The following POTEC variants were observed in gnomAD, a reference collection of about 807,000 sequenced individuals.
POTEC encodes POTE ankyrin domain family member C.
In POTEC, 35 loss-of-function variants were observed where a neutral mutation model predicts 62.0. The ratio of observed to expected loss-of-function variants is 0.56; its 90% CI spans 0.43 to 0.75. POTEC has a LOEUF of 0.75. POTEC is among the 30% of genes least tolerant of loss of function. The probability of loss-of-function intolerance (pLI) is 0.00; values close to 1 mark genes in which losing one functional copy is unlikely to be tolerated. For missense variants in POTEC, 472 were observed against 655.9 expected (o/e 0.72, Z 3.06); for synonymous variants, 156 against 221.5 (o/e 0.70, Z 2.62).
At position 14,511,066 on chromosome 18, in the gene POTEC, A is replaced by G. The variant is rs1358327466; in HGVS notation, c.*832T>C. Reference sequence around the variant, plus strand: ...CAGGGTGGCTGTTCTGTGCTGAGGTACCACTTCCACCCCTGGTCAGCTTGG... The same window carrying G: ...CAGGGTGGCTGTTCTGTGCTGAGGTGCCACTTCCACCCCTGGTCAGCTTGG... On this transcript the variant is annotated 3_prime_UTR_variant, in exon 11 of 11. Transcript: ENST00000358970. The G allele has an allele frequency of 6.6e-6, 1 of 152,072 alleles. No individual in the cohort carries two copies. The highest frequency in any genetic ancestry group is 3.4e-3 in the Middle Eastern group (1 of 294). The allele number at this position is 152,072 out of a possible 1,614,324, so 9.4% of individuals were successfully genotyped here. A position where few individuals can be genotyped will look rare whatever the true frequency, so the allele number is the denominator to read the frequency against.
In POTEC at chr18:14,542,692, A is replaced by G. The variant is rs768989393; in HGVS notation, c.455T>C (p.Val152Ala). ...KLHRAAWWGK[V>A]PRKDLIVMLR... is the part of the protein sequence containing the mutation. ...CATGACGATGAGATCCTTTCTGGGG[A>G]CCTTACCCCACCAGGCAGCTCTGTG... The change falls in exon 1 of 11, where the codon GTC becomes GCC. Residue 152 changes from valine to alanine, a missense_variant. Transcript: ENST00000358970. 6 of 1,612,766 alleles carry G rather than the reference A, an allele frequency of 3.7e-6. No homozygotes were observed. The highest frequency in any genetic ancestry group is 1.9e-4 in the Middle Eastern group (1 of 5,352).
chr18:14,524,412 C>T (rs1438276145), intron 7 of POTEC, among the ~76,000 whole-genome samples: 4 of 152,004 alleles, frequency 2.6e-5, no homozygotes, highest in Admixed American at 2.0e-4. Flanking sequence ...AATCACTGGC[C>T]GTGATTATTC....
chr18:14,532,670 G>T (rs1453871452), intron 5 of POTEC, among the ~76,000 whole-genome samples: 1 of 152,132 alleles, frequency 6.6e-6, no homozygotes, highest in Non-Finnish European at 1.5e-5. Context: ...AAAATTCAAG[G>T]AGTATGTAGG....
At chr18:14,537,217 A>AAAC (rs1567915547) in intron 3 of POTEC, among the ~76,000 whole-genome samples, 2 of 132,242 alleles carry the variant, frequency 1.5e-5, no homozygotes, top group Non-Finnish European at 3.2e-5. Flanking sequence ...ACACAAAAAA[A>AAAC]AAAAAAAACA....
intron 1 of POTEC, among the ~76,000 whole-genome samples, chr18:14,541,872 G>T (rs1394909389): frequency 6.6e-6 from 1 of 151,894 alleles, no homozygotes; most frequent in Non-Finnish European, 1.5e-5. Context: ...CATATATTTG[G>T]GTATTTCTGG....
intron 9 of POTEC, among the ~76,000 whole-genome samples, chr18:14,515,538 A>C (rs1910123459): frequency 6.6e-6 from 1 of 152,146 alleles, no homozygotes; most frequent in African/African-American, 2.4e-5. Flanking sequence ...CATGTAAAAA[A>C]ATTAATTCAA....
chr18:14,525,836 C>T (rs76973749), intron 6 of POTEC, among the ~76,000 whole-genome samples: 1 of 152,102 alleles, frequency 6.6e-6, no homozygotes, highest in Admixed American at 6.6e-5. Context: ...TGTTAGTGTA[C>T]AATGTCTTCT....
At position 14,511,635 on chromosome 18, in the gene POTEC, G is replaced by T. The variant is rs551652486; in HGVS notation, c.*263C>A. ...GCTATCTGACTTTGATCACAATCAT[G>T]TAGAGCAGTAGTCAGTCTACAATGA... On this transcript the variant is annotated 3_prime_UTR_variant, in exon 11 of 11. Coordinates refer to ENST00000358970, the MANE Select transcript of POTEC (RefSeq NM_001137671.2). 3 of 555,080 alleles carry T rather than the reference G, an allele frequency of 5.4e-6. No homozygotes were observed. The highest frequency in any genetic ancestry group is 2.1e-5 in the African/African-American group (1 of 46,878). 34.4% of individuals were successfully genotyped at this position (555,080 alleles called of 1,614,324 possible).
At chr18:14,533,699 C>T (rs1905606161) in intron 4 of POTEC, among the ~76,000 whole-genome samples, 1 of 152,160 alleles carries the variant, frequency 6.6e-6, no homozygotes, top group African/African-American at 2.4e-5. Context: ...TTAAATGCCA[C>T]ATGTATCTTT....
intron 6 of POTEC, chr18:14,528,960 A>G: frequency 2.2e-6 from 1 of 454,432 alleles, no homozygotes; most frequent in Non-Finnish European, 4.4e-6. Context: ...CCTGCCAAAC[A>G]GGCAACCTCA....
At chr18:14,542,314 T>TAG (rs1233824915) in intron 1 of POTEC, among the ~76,000 whole-genome samples, 1 of 152,220 alleles carries the variant, frequency 6.6e-6, no homozygotes, top group Non-Finnish European at 1.5e-5. Flanking sequence ...CTATAGTGTA[T>TAG]AGAACATTGT....
intron 9 of POTEC, among the ~76,000 whole-genome samples, chr18:14,518,234 T>A (rs1026593852): frequency 1.3e-5 from 2 of 151,880 alleles, no homozygotes; most frequent in Admixed American, 1.3e-4. Flanking sequence ...AAAAACCCTA[T>A]TCATGAGAGT....
Position 14,510,076 on chromosome 18 carries a change from C to T in POTEC, c.*1822G>A, listed in dbSNP as rs1300212722. The T allele has an allele frequency of 1.3e-5, 2 of 149,194 alleles. No individual in the cohort carries two copies. The highest frequency in any genetic ancestry group is 3.0e-5 in the Non-Finnish European group (2 of 67,622). 9.2% of individuals were successfully genotyped at this position (149,194 alleles called of 1,614,324 possible). A position where few individuals can be genotyped will look rare whatever the true frequency, so the allele number is the denominator to read the frequency against. ...TGCTGCTCCACTACTTTCCTTGTCT[C>T]CTGGGGGCTCCACCCCAGAGAGGTG... On this transcript the variant is annotated 3_prime_UTR_variant, in exon 11 of 11. Transcript: ENST00000358970.
Position 14,511,494 on chromosome 18 carries a change from G to T in POTEC, c.*404C>A. The T allele has an allele frequency of 3.4e-6, 1 of 293,480 alleles. No individual in the cohort carries two copies. Among genetic ancestry groups the T allele is most frequent in the Admixed American group, 5.1e-5 (1 of 19,566 alleles). 18.2% of individuals were successfully genotyped at this position (293,480 alleles called of 1,614,324 possible). On this transcript the variant is annotated 3_prime_UTR_variant, in exon 11 of 11. Transcript: ENST00000358970. ...TTAGGTTGTTAATTTTACTGTCAGCGTTAGAGTTGTTCAGAAAGAATCTCA... is the reference window on the plus strand; with the variant it reads ...TTAGGTTGTTAATTTTACTGTCAGCTTTAGAGTTGTTCAGAAAGAATCTCA...
Position 14,524,960 on chromosome 18 carries a change from C to T in POTEC, c.1150G>A (p.Glu384Lys), listed in dbSNP as rs201278417. The change falls in exon 7 of 11, where the codon GAG becomes AAG. Residue 384 changes from glutamate (E) to lysine (K), a missense_variant. Around this residue, in one of 5 missense-constraint regions of POTEC, gnomAD observed 83 missense variants for 254.3 expected, o/e 0.33. Transcript: ENST00000358970. Reference protein sequence around the residue: ...NPEQDLKLTSEEESQRLKVSE... With the variant: ...NPEQDLKLTSKEESQRLKVSE... ...ACTTTAAGCCTTTGTGACTCTTCCT[C>T]TGATGTTAGCTTTAAGTCTTGTTCT... 1.8e-4 allele frequency: 296 copies of T among 1,603,948 alleles called. 3 individuals are homozygous for T. The East Asian group carries it at 6.5e-3, about 35-fold the overall frequency.
chr18:14,530,327 T>A (rs550838076), intron 6 of POTEC, among the ~76,000 whole-genome samples, 156 bp downstream of exon 6: 4 of 152,196 alleles, frequency 2.6e-5, no homozygotes, highest in African/African-American at 7.2e-5. Flanking sequence ...AATAATAATA[T>A]AAAGTAGCAC....
rs559179316 is a variant in POTEC, at chr18:14,542,971, C to T, written c.176G>A (p.Ser59Asn). ...GTGGTGGCAACACTTGCCCATCTTG[C>T]TCCTGAGCATCTTCATAAAGGAGTC... Reference protein sequence around the residue: ...HDDSFMKMLRSKMGKCCHHCF... With the variant: ...HDDSFMKMLRNKMGKCCHHCF... Residue 59 changes from serine (S) to asparagine (N), a missense_variant, in exon 1 of 11, where the codon AGC becomes AAC. Coordinates refer to ENST00000358970, the MANE Select transcript of POTEC (RefSeq NM_001137671.2). 1 of 1,573,866 alleles carries T rather than the reference C, an allele frequency of 6.4e-7. No homozygotes were observed. Among genetic ancestry groups the T allele is most frequent in the Middle Eastern group, 1.7e-4 (1 of 5,962 alleles).
At chr18:14,543,600 T>TGCGCGTGCGGGGCGCGCGTGCAGGGC (rs1567917636), upstream of POTEC, 1 of 210,836 alleles carries the variant, frequency 4.7e-6, no homozygotes, top group African/African-American at 3.2e-5. Flanking sequence ...CAAGCCGTTA[T>TGCGCGTGCGGGGCGCGCGTGCAGGGC]GCGCGTGCGG....
At chr18:14,515,879 T>C (rs1033866554) in intron 9 of POTEC, among the ~76,000 whole-genome samples, 14 of 151,756 alleles carry the variant, frequency 9.2e-5, no homozygotes, top group Admixed American at 6.6e-5. Context: ...TGAATAGACA[T>C]TGCTCAAAAG....
Sources: allele counts gnomAD v4.1 joint callset (sites outside exome capture counted in the v4.1 genomes callset), GRCh38; gene constraint gnomAD v4.1.1; regional missense constraint gnomAD v4.1.1; transcripts MANE v1.5; gene names NCBI Gene and HGNC (gene_info 2026-07-23, HGNC 2026-07-21).